Variants in MALAT1 observed in about 807,000 individuals in gnomAD.
The protein encoded by MALAT1 is hepcarcin.
chr11:65,498,669 C>G (rs772613073), intron 1 of MALAT1: 1 of 518,044 alleles, frequency 1.9e-6, no homozygotes, highest in African/African-American at 1.9e-5. Context: ...ACACTTTAAT[C>G]TTCCTTCAAA....
chr11:65,501,513 A>G (rs1173230361), exon 3 of MALAT1: 1 of 518,390 alleles, frequency 1.9e-6, no homozygotes, highest in Admixed American at 1.9e-5. Context: ...GTTATTTTTT[A>G]CTTGAAGCAT....
chr11:65,500,000 T>C (rs1463757982), exon 3 of MALAT1: 1 of 426,226 alleles, frequency 2.3e-6, no homozygotes, highest in East Asian at 7.0e-5. Context: ...ATGAGGAAAT[T>C]ATTGGTAACC....
At chr11:65,498,651 G>C (rs1420268059) in intron 1 of MALAT1, 2 of 518,438 alleles carry the variant, frequency 3.9e-6, no homozygotes, top group Non-Finnish European at 7.7e-6. Flanking sequence ...GTAAAGCCCT[G>C]AACTATCACA....
At chr11:65,498,172 T>C in intron 1 of MALAT1, 1 of 518,970 alleles carries the variant, frequency 1.9e-6, no homozygotes, top group Non-Finnish European at 3.8e-6. Flanking sequence ...TGTCCCTGAC[T>C]GGCTGCCCAA....
At chr11:65,499,444 T>G (rs1446404544) in exon 3 of MALAT1, 3 of 473,728 alleles carry the variant, frequency 6.3e-6, no homozygotes, top group Non-Finnish European at 1.3e-5. Flanking sequence ...CAGCTTAAAG[T>G]TTAGTTTAAA....
At chr11:65,505,500 C>G (rs756135624) in intron 3 of MALAT1, 13 of 515,564 alleles carry the variant, frequency 2.5e-5, no homozygotes, top group African/African-American at 2.1e-4. Context: ...CCACTTTTCC[C>G]TAGCTTTTCC....
intron 1 of MALAT1, chr11:65,498,560 A>T (rs1410640925): frequency 1.9e-6 from 1 of 518,616 alleles, no homozygotes; most frequent in Non-Finnish European, 3.9e-6. Flanking sequence ...GCAGGACTGC[A>T]AGCAGTTGGG....
At chr11:65,504,096 G>C (rs1177695314) in intron 3 of MALAT1, 3 of 517,400 alleles carry the variant, frequency 5.8e-6, no homozygotes, top group South Asian at 4.2e-5. Context: ...GGAAGGGAGG[G>C]GGTGCCTGTG....
At chr11:65,499,694 GA>G in exon 3 of MALAT1, 1 of 430,478 alleles carries the variant, frequency 2.3e-6, no homozygotes, top group South Asian at 1.7e-5. Flanking sequence ...GGAAGGCGAA[GA>G]AAAGAATAGA....
chr11:65,499,708 AGAT>A (rs1854495602), exon 3 of MALAT1: 1 of 434,518 alleles, frequency 2.3e-6, no homozygotes, highest in Non-Finnish European at 4.5e-6. Context: ...AGAATAGAGA[AGAT>A]AGGGAAATTA....
chr11:65,500,120 C>T, exon 3 of MALAT1: 1 of 484,748 alleles, frequency 2.1e-6, no homozygotes, highest in Non-Finnish European at 4.1e-6. Flanking sequence ...TAGAAGAATA[C>T]TTGAAGCTAG....
exon 3 of MALAT1, chr11:65,499,987 A>T: frequency 2.3e-6 from 1 of 426,532 alleles, no homozygotes; most frequent in South Asian, 1.7e-5. Flanking sequence ...TAGCACTGAA[A>T]AAATGAGGAA....
chr11:65,505,861 T>C lies in MALAT1; in HGVS notation n.5169-399T>C, dbSNP rs140618173. 30 of 463,598 alleles carry C rather than the reference T, an allele frequency of 6.5e-5. 1 individual carries two copies. Among genetic ancestry groups the C allele is most frequent in the African/African-American group, 5.8e-4 (29 of 50,286 alleles). The allele number at this position is 463,598 out of a possible 1,614,324, so 28.7% of individuals were successfully genotyped here. A position where few individuals can be genotyped will look rare whatever the true frequency, so the allele number is the denominator to read the frequency against. On this transcript the variant is annotated intron_variant and non_coding_transcript_variant, in intron 3 of 3. Transcript: ENST00000619449. ...AGAACTGTAATGCTGGGTGGGAACA[T>C]GTAACTTGTAGACTGGAGAAGATAG...
chr11:65,498,654 C>T (rs779278578), intron 1 of MALAT1: 3 of 518,380 alleles, frequency 5.8e-6, no homozygotes, highest in Admixed American at 3.9e-5. Context: ...AAGCCCTGAA[C>T]TATCACACTT....
exon 3 of MALAT1, chr11:65,503,784 C>G (rs765072785): frequency 3.9e-6 from 2 of 514,224 alleles, no homozygotes; most frequent in African/African-American, 1.9e-5. Context: ...AGCGGAAGAA[C>G]GAATGTAACT....
At chr11:65,499,679 G>A (rs146319223) in exon 3 of MALAT1, 1 of 434,208 alleles carries the variant, frequency 2.3e-6, no homozygotes, top group East Asian at 7.1e-5. Flanking sequence ...GAAGACAGAA[G>A]TACGGGAAGG....
intron 2 of MALAT1, chr11:65,498,769 TTGA>T (rs1854463712): frequency 3.9e-6 from 2 of 518,954 alleles, no homozygotes; most frequent in Admixed American, 1.9e-5. Flanking sequence ...TGTGAGGTGT[TTGA>T]TGACCCGTTT....
Position 65,502,656 on chromosome 11 carries a change from T to A in MALAT1, n.3919T>A, listed in dbSNP as rs143747405. Reference sequence around the variant, plus strand: ...CTATAGACTTTTTTCAGATAACATCTTCTGAGTCATAACCAGCCTGGCAGT... The same window carrying A: ...CTATAGACTTTTTTCAGATAACATCATCTGAGTCATAACCAGCCTGGCAGT... On this transcript the variant is annotated non_coding_transcript_exon_variant, in exon 3 of 4. Transcript: ENST00000619449. 80 of 484,610 alleles carry A rather than the reference T, an allele frequency of 1.7e-4. 1 individual carries two copies. The highest frequency in any genetic ancestry group is 5.5e-4 in the Admixed American group (22 of 40,140). The allele number at this position is 484,610 out of a possible 1,614,324, so 30.0% of individuals were successfully genotyped here.
chr11:65,499,279 A>G, exon 3 of MALAT1: 1 of 514,128 alleles, frequency 1.9e-6, no homozygotes. Flanking sequence ...GAAGGAAAAG[A>G]TAAAAGGTTT....
Sources: gnomAD v4.1 joint callset for allele counts on GRCh38, gnomAD v4.1.1 for gene constraint, MANE v1.5 for transcripts, NCBI Gene and HGNC (gene_info 2026-07-23, HGNC 2026-07-21) for gene names.